The following DNAI7 variants were observed in gnomAD, a reference collection of about 807,000 sequenced individuals.
DNAI7 encodes the protein cancer susceptibility 1.
DNAI7 carries 78 observed loss-of-function variants against 86.6 expected under a neutral mutation model. That is an observed-to-expected ratio of 0.90 (90% CI 0.75 to 1.09). DNAI7 has a LOEUF of 1.09. Ranked by LOEUF, DNAI7 falls within the 50% of genes least tolerant of loss-of-function variation. The pLI, the probability that DNAI7 is intolerant of heterozygous loss-of-function variation, is 0.00. For missense variants in DNAI7, 753 were observed against 810.2 expected (o/e 0.93, Z 0.86); for synonymous variants, 274 against 273.0 (o/e 1.00, Z -0.04).
At chr12:25,119,809 G>C (rs1940906443) in intron 11 of DNAI7, among the ~76,000 whole-genome samples, 1 of 152,146 alleles carries the variant, frequency 6.6e-6, no homozygotes, top group African/African-American at 2.4e-5. Flanking sequence ...GATTTTTCTG[G>C]GATAAGGAAG....
At chr12:25,140,628 C>A (rs1023309690) in intron 9 of DNAI7, among the ~76,000 whole-genome samples, 1 of 151,802 alleles carries the variant, frequency 6.6e-6, no homozygotes, top group Non-Finnish European at 1.5e-5. Context: ...TGAAAATGAC[C>A]ATACTGCCAA....
At chr12:25,184,654 G>A (rs572011278) in intron 2 of DNAI7, among the ~76,000 whole-genome samples, 2 of 152,228 alleles carry the variant, frequency 1.3e-5, no homozygotes, top group Non-Finnish European at 2.9e-5. Flanking sequence ...CTCAGTTTTG[G>A]TTTGTAAGAA....
chr12:25,187,191 A>G (rs540953874), intron 2 of DNAI7, among the ~76,000 whole-genome samples: 1 of 152,276 alleles, frequency 6.6e-6, no homozygotes, highest in African/African-American at 2.4e-5. Flanking sequence ...CCGTGTTTTT[A>G]TCTTTCACTT....
chr12:25,113,938 GTTTTT>G (rs112532652), intron 13 of DNAI7, among the ~76,000 whole-genome samples: 1 of 82,832 alleles, frequency 1.2e-5, no homozygotes, highest in African/African-American at 4.9e-5. Flanking sequence ...TTCTTTCTGG[GTTTTT>G]TTTTTTTTTT....
chr12:25,180,963 C>T (rs528051698), intron 2 of DNAI7, among the ~76,000 whole-genome samples: 10 of 152,208 alleles, frequency 6.6e-5, no homozygotes, highest in African/African-American at 2.2e-4. Flanking sequence ...CCTGCCACCA[C>T]GATCGGCTAA....
chr12:25,173,158 G>C (rs2141169236), intron 2 of DNAI7, among the ~76,000 whole-genome samples: 1 of 152,216 alleles, frequency 6.6e-6, no homozygotes, highest in Non-Finnish European at 1.5e-5. Context: ...AGAGTAAACA[G>C]ACAACCCACA....
intron 2 of DNAI7, among the ~76,000 whole-genome samples, chr12:25,169,459 A>G (rs527386472): frequency 1.3e-5 from 2 of 152,272 alleles, no homozygotes; most frequent in East Asian, 3.9e-4. Flanking sequence ...GGTGATTAAA[A>G]AGCTTTATTG....
At chr12:25,125,060 A>G (rs1941925146) in intron 9 of DNAI7, among the ~76,000 whole-genome samples, 1 of 152,162 alleles carries the variant, frequency 6.6e-6, no homozygotes, top group Non-Finnish European at 1.5e-5. Flanking sequence ...TGCTATTGTG[A>G]AGAGTGCTAC....
chr12:25,118,249 A>C lies in DNAI7; in HGVS notation c.1396+896T>G, dbSNP rs146773366. ...CGCCTGGCCTGATTTTAATATTTTCATTCATTTTTGCCTGTTTGTTTTGTT... is the reference window on the plus strand; with the variant it reads ...CGCCTGGCCTGATTTTAATATTTTCCTTCATTTTTGCCTGTTTGTTTTGTT... On this transcript the variant is annotated intron_variant, in intron 12 of 15. Transcript: ENST00000395987. Among the ~76,000 whole-genome samples the C allele has an allele frequency of 3.8e-3, 571 of 150,586 alleles. 5 individuals are homozygous for C. Among genetic ancestry groups the C allele is most frequent in the African/African-American group, 0.013 (549 of 40,954 alleles).
Position 25,175,644 on chromosome 12 carries a change from G to A in DNAI7, c.22-14447C>T, listed in dbSNP as rs550037936. ...ATTACAGGCATGAGCCACTGCGCCC[G>A]GCTCTACACATTTTTAAGGTGTCAC... On this transcript the variant is annotated intron_variant, in intron 2 of 15. Coordinates refer to ENST00000395987, the MANE Select transcript of DNAI7 (RefSeq NM_018272.5). 1.7e-4 allele frequency among the ~76,000 whole-genome samples: 22 copies of A among 131,100 alleles called. No homozygotes were observed. The South Asian group carries it at 3.5e-3, about 21-fold the overall frequency. The allele number at this position is 131,100 out of a possible 152,430, so 86.0% of individuals were successfully genotyped here.
chr12:25,148,112 C>T (rs1179421395), intron 7 of DNAI7, among the ~76,000 whole-genome samples: 1 of 152,106 alleles, frequency 6.6e-6, no homozygotes, highest in Non-Finnish European at 1.5e-5. Context: ...TTCCTGCACA[C>T]TTTTTATTTT....
chr12:25,121,650 T>A, intron 11 of DNAI7, 103 bp downstream of exon 11: 1 of 902,360 alleles, frequency 1.1e-6, no homozygotes, highest in Non-Finnish European at 1.7e-6. Context: ...TTTTCCTTTG[T>A]GTTTAATAAG....
intron 9 of DNAI7, among the ~76,000 whole-genome samples, chr12:25,139,740 C>A (rs1305688227): frequency 4.6e-5 from 7 of 152,088 alleles, no homozygotes; most frequent in Admixed American, 4.6e-4. Context: ...GGAGAAATAC[C>A]TAATGTAGAT....
rs2079755190 is a variant in DNAI7 at position 25,146,906 on chromosome 12, C to G, written c.689+95G>C. ...CCTGAAATGGGCTTTTCCAAACACACCATGCTGCTATGCAATAGGCATCTA... is the reference window on the plus strand; with the variant it reads ...CCTGAAATGGGCTTTTCCAAACACAGCATGCTGCTATGCAATAGGCATCTA... On this transcript the variant is annotated intron_variant, in intron 8 of 15. Transcript: ENST00000395987. 5 of 687,262 alleles carry G rather than the reference C, an allele frequency of 7.3e-6. No individual in the cohort carries two copies. In the South Asian group the frequency reaches 9.3e-5, roughly 13 times the overall value. 42.6% of individuals were successfully genotyped at this position (687,262 alleles called of 1,614,324 possible). A position where few individuals can be genotyped will look rare whatever the true frequency, so the allele number is the denominator to read the frequency against.
intron 12 of DNAI7, among the ~76,000 whole-genome samples, chr12:25,117,737 G>A (rs1410163610): frequency 6.6e-6 from 1 of 151,894 alleles, no homozygotes; most frequent in East Asian, 1.9e-4. Flanking sequence ...GGTATAAAAA[G>A]GTATACAAGT....
At chr12:25,146,096 C>T (rs1028003276) in intron 8 of DNAI7, among the ~76,000 whole-genome samples, 1 of 152,048 alleles carries the variant, frequency 6.6e-6, no homozygotes, top group African/African-American at 2.4e-5. Context: ...GTGGCACATG[C>T]CTGTAATCCC....
chr12:25,147,169 G>A (rs1030960856), intron 7 of DNAI7, 65 bp from the exon 8 acceptor site: 2 of 810,896 alleles, frequency 2.5e-6, no homozygotes, highest in African/African-American at 3.5e-5. Flanking sequence ...AATTAGATAA[G>A]TTACTTTATC....
chr12:25,160,506 C>G (rs1431956166), intron 3 of DNAI7, among the ~76,000 whole-genome samples: 1 of 152,206 alleles, frequency 6.6e-6, no homozygotes, highest in African/African-American at 2.4e-5. Flanking sequence ...CTGCTCTGCC[C>G]TGAATCCGGC....
chr12:25,146,944 G>T, intron 8 of DNAI7, 57 bp downstream of exon 8: 1 of 890,148 alleles, frequency 1.1e-6, no homozygotes, highest in South Asian at 1.4e-5. Flanking sequence ...TGGCAATCAT[G>T]ATGTGGCTCA....
Sources: allele counts gnomAD v4.1 joint callset (sites outside exome capture counted in the v4.1 genomes callset), GRCh38; gene constraint gnomAD v4.1.1; transcripts MANE v1.5; gene names NCBI Gene and HGNC (gene_info 2026-07-23, HGNC 2026-07-21).